Variants in SIK2 observed in about 807,000 individuals in gnomAD.
The protein encoded by SIK2 is salt inducible kinase 2.
SIK2 carries 29 observed loss-of-function variants against 103.2 expected under a neutral mutation model. That is an observed-to-expected ratio of 0.28 (90% CI 0.21 to 0.38). The LOEUF (loss-of-function observed/expected upper bound fraction) is 0.38. Among genes scored for constraint, SIK2 ranks in the 10% least tolerant of loss-of-function variants. SIK2 has a pLI of 1.00. For synonymous variants in SIK2, 412 were observed against 446.1 expected (o/e 0.92, Z 0.96); for missense variants, 879 against 1,171.0 (o/e 0.75, Z 3.64).
intron 3 of SIK2, among the ~76,000 whole-genome samples, chr11:111,666,243 G>A (rs867045075): frequency 6.6e-6 from 1 of 152,170 alleles, no homozygotes; most frequent in African/African-American, 2.4e-5. Context: ...TGATGTTGTA[G>A]AGGGGTGTTG....
intron 1 of SIK2, among the ~76,000 whole-genome samples, chr11:111,609,382 C>T (rs547291890): frequency 3.9e-5 from 6 of 151,974 alleles, no homozygotes; most frequent in South Asian, 4.2e-4. Flanking sequence ...AGTACAGTTG[C>T]GAGATTACAC....
At chr11:111,681,507 C>T (rs1942777373) in intron 3 of SIK2, among the ~76,000 whole-genome samples, 1 of 152,176 alleles carries the variant, frequency 6.6e-6, no homozygotes, top group Non-Finnish European at 1.5e-5. Context: ...ATGCTGGTCT[C>T]AGACTCCTTT....
At position 111,720,773 on chromosome 11, in the gene SIK2, C is replaced by T; in HGVS notation, c.1780+11C>T. 6.3e-7 allele frequency: 1 copy of T among 1,576,610 alleles called. No individual in the cohort carries two copies. The highest frequency in any genetic ancestry group is 2.2e-5 in the East Asian group (1 of 44,564). ...CCTCCCTCACCCAGGGTGAGCACTT[C>T]CTCCTCTGCTTTTTGAAACTCGCGT... On this transcript the variant is annotated intron_variant, in intron 11 of 14. Transcript: ENST00000304987.
intron 1 of SIK2, among the ~76,000 whole-genome samples, chr11:111,605,772 G>GA (rs1941641397): frequency 6.6e-6 from 1 of 152,006 alleles, no homozygotes; most frequent in Non-Finnish European, 1.5e-5. Flanking sequence ...TCCCTTTTAG[G>GA]AAAAAAATAG....
chr11:111,648,127 T>G (rs1942281569), intron 3 of SIK2, among the ~76,000 whole-genome samples: 1 of 151,928 alleles, frequency 6.6e-6, no homozygotes, highest in African/African-American at 2.4e-5. Flanking sequence ...AAAGAAAAAA[T>G]AAAAATAAGT....
chr11:111,723,450 C>G, intron 14 of SIK2, 46 bp from the exon 15 acceptor site: 1 of 1,530,954 alleles, frequency 6.5e-7, no homozygotes, highest in Non-Finnish European at 8.8e-7. Context: ...AAATTGCCAT[C>G]ACTTGAGAAG....
intron 3 of SIK2, among the ~76,000 whole-genome samples, chr11:111,674,748 A>AT (rs1942680077): frequency 6.6e-6 from 1 of 151,728 alleles, no homozygotes; most frequent in African/African-American, 2.4e-5. Flanking sequence ...CTACTGTGAT[A>AT]ATTTTTTTTT....
rs1354718895 is a variant in SIK2, at chr11:111,727,811, G to A, written c.*3682G>A. ...GAGTCACAGTTGGTCCCAGGCGTGTGGGCACTAAGCAGCCTCTGGAGACAT... is the reference window on the plus strand; with the variant it reads ...GAGTCACAGTTGGTCCCAGGCGTGTAGGCACTAAGCAGCCTCTGGAGACAT... On this transcript the variant is annotated 3_prime_UTR_variant, in exon 15 of 15. Coordinates refer to ENST00000304987, the MANE Select transcript of SIK2 (RefSeq NM_015191.3). 6.6e-6 allele frequency: 1 copy of A among 152,316 alleles called. No homozygotes were observed. Among genetic ancestry groups the A allele is most frequent in the African/African-American group, 2.4e-5 (1 of 41,442 alleles). 9.4% of individuals were successfully genotyped at this position (152,316 alleles called of 1,614,324 possible). A position where few individuals can be genotyped will look rare whatever the true frequency, so the allele number is the denominator to read the frequency against.
At chr11:111,717,456 G>C (rs947345187) in intron 9 of SIK2, among the ~76,000 whole-genome samples, 2 of 151,892 alleles carry the variant, frequency 1.3e-5, no homozygotes, top group African/African-American at 2.4e-5. Flanking sequence ...ATACTGGCCT[G>C]GTTGCAGAGA....
chr11:111,610,506 T>C (rs989816105), intron 1 of SIK2, among the ~76,000 whole-genome samples: 2 of 149,790 alleles, frequency 1.3e-5, no homozygotes, highest in African/African-American at 4.9e-5. Flanking sequence ...AAAAAAAAGA[T>C]AACAAACAGT....
intron 9 of SIK2, among the ~76,000 whole-genome samples, chr11:111,716,733 G>C (rs530332256): frequency 6.6e-6 from 1 of 152,234 alleles, no homozygotes; most frequent in East Asian, 1.9e-4. Flanking sequence ...TGTATAAACT[G>C]ACAATTTAAG....
chr11:111,713,086 G>C (rs747572900), intron 9 of SIK2, among the ~76,000 whole-genome samples: 8 of 152,138 alleles, frequency 5.3e-5, no homozygotes, highest in Non-Finnish European at 8.8e-5. Context: ...AATGTCTTGA[G>C]CCCAGGGGGC....
chr11:111,635,737 C>T (rs1309027494), intron 3 of SIK2, among the ~76,000 whole-genome samples: 1 of 152,158 alleles, frequency 6.6e-6, no homozygotes, highest in Non-Finnish European at 1.5e-5. Context: ...TCCATTTTTC[C>T]TGGTAACCTC....
At chr11:111,640,629 G>T (rs952720000) in intron 3 of SIK2, among the ~76,000 whole-genome samples, 2 of 149,164 alleles carry the variant, frequency 1.3e-5, no homozygotes, top group Non-Finnish European at 3.0e-5. Flanking sequence ...ATCTAAGGGA[G>T]AATTAAAAAC....
At chr11:111,704,908 CTCTT>C in intron 7 of SIK2, 75 bp from the exon 8 acceptor site, 1 of 1,417,810 alleles carries the variant, frequency 7.1e-7, no homozygotes, top group Non-Finnish European at 9.4e-7. Flanking sequence ...AATTTCTTTC[CTCTT>C]TTTTTTTAGG....
chr11:111,626,485 A>AT (rs1941962534), intron 3 of SIK2, among the ~76,000 whole-genome samples: 1 of 151,722 alleles, frequency 6.6e-6, no homozygotes, highest in African/African-American at 2.4e-5. Flanking sequence ...GAGGTTTTGA[A>AT]TCCTGCCTAT....
rs1333137024 is a variant in SIK2 at position 111,728,663 on chromosome 11, T to A, written c.*4534T>A. 2 of 148,122 alleles carry A rather than the reference T, an allele frequency of 1.4e-5. No homozygotes were observed. The highest frequency in any genetic ancestry group is 3.0e-5 in the Non-Finnish European group (2 of 67,210). The allele number at this position is 148,122 out of a possible 1,614,324, so 9.2% of individuals were successfully genotyped here. The stretch of plus-strand genomic sequence containing the variant: ...AGCAGTATCAGCCGGGCGCGGTGGC[T>A]CACGCCTGTAATCCCAACACTTTGG... On this transcript the variant is annotated 3_prime_UTR_variant, in exon 15 of 15. Transcript: ENST00000304987.
At chr11:111,666,353 C>A (rs183620144) in intron 3 of SIK2, among the ~76,000 whole-genome samples, 1 of 152,158 alleles carries the variant, frequency 6.6e-6, no homozygotes, top group Admixed American at 6.5e-5. Flanking sequence ...TAATTGGAAT[C>A]TTTGTAGGGT....
At chr11:111,614,133 G>A (rs1299424094) in intron 1 of SIK2, among the ~76,000 whole-genome samples, 1 of 149,422 alleles carries the variant, frequency 6.7e-6, no homozygotes, top group Non-Finnish European at 1.5e-5. Context: ...CCAGACTGGA[G>A]CGCAGTGGCA....
Sources: allele counts gnomAD v4.1 joint callset (sites outside exome capture counted in the v4.1 genomes callset), GRCh38; gene constraint gnomAD v4.1.1; transcripts MANE v1.5; gene names NCBI Gene and HGNC (gene_info 2026-07-23, HGNC 2026-07-21).